Variants in SF3A1 observed in about 807,000 individuals in gnomAD.
The protein encoded by SF3A1 is SAP 114.
Under a neutral mutation model 89.9 loss-of-function variants are expected in SF3A1, and 13 were observed. The observed-to-expected ratio is 0.14, with a 90% CI of 0.09 to 0.23. The LOEUF is 0.23. SF3A1 is among the 10% of genes least tolerant of loss of function. SF3A1 has a pLI of 1.00. For missense variants in SF3A1, 604 were observed against 1,022.1 expected, an observed-to-expected ratio of 0.59 and a Z score of 5.58; for synonymous variants, 405 against 374.4, an observed-to-expected ratio of 1.08 and a Z score of -0.94.
At position 30,337,096 on chromosome 22, in the gene SF3A1, T is replaced by G; in HGVS notation, c.2036A>C (p.Glu679Ala). 4 of 1,614,104 alleles carry G rather than the reference T, an allele frequency of 2.5e-6. No individual in the cohort carries two copies. Among genetic ancestry groups the G allele is most frequent in the Non-Finnish European group, 3.4e-6 (4 of 1,179,992 alleles). Residue 679 changes from glutamate (E) to alanine (A), a missense_variant, in exon 13 of 16, where the codon GAG (glutamate) becomes GCG (alanine). Glu to Ala is a moderately radical substitution (Grantham distance 107). Around this residue, in one of 9 missense-constraint regions of SF3A1, gnomAD observed 74 missense variants for 141.3 expected, o/e 0.52. Coordinates refer to ENST00000215793, the MANE Select transcript of SF3A1 (RefSeq NM_005877.6). ...PVHPPPPMED[E>A]PTSKKLKTED... ...TGTCTTCAGTTTTTTGGAGGTGGGC[T>G]CATCTTCCATGGGAGGTGGGGGATG...
intron 7 of SF3A1, 95 bp downstream of exon 7, chr22:30,341,593 AAGGC>A: frequency 1.3e-6 from 1 of 782,574 alleles, no homozygotes; most frequent in Non-Finnish European, 1.9e-6. Context: ...GCCTCCTTTC[AAGGC>A]TCACAGGGGA....
intron 2 of SF3A1, among the ~76,000 whole-genome samples, chr22:30,351,569 T>C (rs1569175355): frequency 1.3e-5 from 2 of 152,180 alleles, no homozygotes; most frequent in Non-Finnish European, 2.9e-5. Flanking sequence ...CTAGAGTCCA[T>C]GGCTCACTAT....
At chr22:30,341,577 ACCCACGCCTCCTTTCAAGGCTCACAGGG>A in intron 7 of SF3A1, 87 bp downstream of exon 7, 5 of 560,288 alleles carry the variant, frequency 8.9e-6, no homozygotes, top group Admixed American at 3.1e-5. Flanking sequence ...CTTGTTCAGG[ACCCACGCCTCCTTTCAAGGCTCACAGGG>A]GAGCTGGATC....
intron 4 of SF3A1, among the ~76,000 whole-genome samples, chr22:30,343,849 C>T (rs1157960196): frequency 6.6e-6 from 1 of 152,202 alleles, no homozygotes; most frequent in Non-Finnish European, 1.5e-5. Context: ...TAAACACACA[C>T]ATTGTTAAAA....
At chr22:30,353,362 T>C (rs1166362389) in intron 1 of SF3A1, among the ~76,000 whole-genome samples, 1 of 152,180 alleles carries the variant, frequency 6.6e-6, no homozygotes, top group East Asian at 1.9e-4. Flanking sequence ...GCACTTCTCC[T>C]GTTGTCCTTC....
Position 30,337,697 on chromosome 22 carries a change from C to G in SF3A1, c.1944G>C (p.Val648=). ...IMAPRPPPMI[V]PTAFVPAPPV... is the part of the protein sequence containing the mutation. ...GATGCAAGAGATACTGACCTGTTGG[C>G]ACAATCATGGGGGGTGGGCGGGGGG... is the stretch of plus-strand genomic sequence containing the variant. Residue 648 remains valine, a synonymous_variant, in exon 12 of 16, where the codon GTG becomes GTC. Transcript: ENST00000215793. The G allele has an allele frequency of 7.5e-7, 1 of 1,339,840 alleles. No homozygotes were observed. Among genetic ancestry groups the G allele is most frequent in the South Asian group, 1.3e-5 (1 of 79,336 alleles). 83.0% of individuals were successfully genotyped at this position (1,339,840 alleles called of 1,614,324 possible).
chr22:30,334,504 C>T lies in SF3A1; in HGVS notation c.*90G>A. ...GAGCGAAACAAATATGCAGGCAAGG[C>T]AAAGCCTCAGGGGGGCTCCTGGGTC... On this transcript the variant is annotated 3_prime_UTR_variant, in exon 16 of 16. Transcript: ENST00000215793. 1.3e-6 allele frequency: 1 copy of T among 765,198 alleles called. No individual in the cohort carries two copies. The highest frequency in any genetic ancestry group is 2.9e-5 in the East Asian group (1 of 34,906). The allele number at this position is 765,198 out of a possible 1,614,324, so 47.4% of individuals were successfully genotyped here.
At chr22:30,344,257 T>C (rs550565643) in intron 4 of SF3A1, among the ~76,000 whole-genome samples, 9 of 152,338 alleles carry the variant, frequency 5.9e-5, no homozygotes, top group East Asian at 1.9e-4. Flanking sequence ...AAAGTGAACA[T>C]AGCAATAGTG....
chr22:30,339,056 CA>C, intron 10 of SF3A1, 22 bp from the exon 11 acceptor site: 1 of 1,613,906 alleles, frequency 6.2e-7, no homozygotes, highest in Non-Finnish European at 8.5e-7. Context: ...AGCAAAGCCA[CA>C]ATGCTTCTGG....
At chr22:30,346,288 T>C (rs779739747) in intron 3 of SF3A1, 24 bp downstream of exon 3, 1 of 1,493,466 alleles carries the variant, frequency 6.7e-7, no homozygotes, top group Non-Finnish European at 9.3e-7. Context: ...CCTGCGTAAG[T>C]GAAGGGGGCA....
Position 30,346,301 on chromosome 22 carries a change from G to T in SF3A1, c.393+11C>A. On this transcript the variant is annotated intron_variant, in intron 3 of 15. Coordinates refer to ENST00000215793, the MANE Select transcript of SF3A1 (RefSeq NM_005877.6). Reference sequence around the variant, plus strand: ...GCCCTGCGTAAGTGAAGGGGGCACTGGGCTCCAAACCTTCTGGGGCAGCTG... The same window carrying T: ...GCCCTGCGTAAGTGAAGGGGGCACTTGGCTCCAAACCTTCTGGGGCAGCTG... 6.4e-7 allele frequency: 1 copy of T among 1,572,740 alleles called. No individual in the cohort carries two copies. Among genetic ancestry groups the T allele is most frequent in the South Asian group, 1.1e-5 (1 of 90,190 alleles).
At chr22:30,343,818 C>T (rs1931337996) in intron 4 of SF3A1, among the ~76,000 whole-genome samples, 2 of 152,230 alleles carry the variant, frequency 1.3e-5, no homozygotes, top group Admixed American at 1.3e-4. Context: ...ACCATACTAG[C>T]TTCTGGATTT....
chr22:30,354,256 A>G (rs1931691306), intron 1 of SF3A1, among the ~76,000 whole-genome samples: 1 of 152,100 alleles, frequency 6.6e-6, no homozygotes, highest in Non-Finnish European at 1.5e-5. Context: ...GCAGCTAAAC[A>G]TCCTGAGTTC....
chr22:30,342,093 T>TA lies in SF3A1; in HGVS notation c.877+106dup, dbSNP rs1469176876. The TA allele has an allele frequency of 4.3e-6, 6 of 1,383,074 alleles. No homozygotes were observed. In the Admixed American group the frequency reaches 1.0e-4, roughly 24 times the overall value. The allele number at this position is 1,383,074 out of a possible 1,614,324, so 85.7% of individuals were successfully genotyped here. A position where few individuals can be genotyped will look rare whatever the true frequency, so the allele number is the denominator to read the frequency against. On this transcript the variant is annotated intron_variant, in intron 6 of 15. Transcript: ENST00000215793. ...GGGAGCAGGGAGGAGACAGCACTGATAAAGCCCTCTGAGAGATTCTACTGC... is the reference window on the plus strand; with the variant it reads ...GGGAGCAGGGAGGAGACAGCACTGATAAAAGCCCTCTGAGAGATTCTACTGC...
chr22:30,335,903 G>C (rs1298656295), intron 13 of SF3A1, 150 bp from the exon 14 acceptor site: 2 of 658,886 alleles, frequency 3.0e-6, no homozygotes, highest in Non-Finnish European at 2.7e-6. Context: ...CCCCTTGTGA[G>C]GTTGTACAAG....
At chr22:30,343,682 G>T (rs528424607) in intron 4 of SF3A1, among the ~76,000 whole-genome samples, 11 of 152,344 alleles carry the variant, frequency 7.2e-5, no homozygotes, top group African/African-American at 2.6e-4. Flanking sequence ...AATAAAAAGT[G>T]ATCTGGGACC....
chr22:30,341,283 T>G (rs1277635327), intron 7 of SF3A1, among the ~76,000 whole-genome samples: 1 of 152,032 alleles, frequency 6.6e-6, no homozygotes, highest in Non-Finnish European at 1.5e-5. Flanking sequence ...CATGCCTGCT[T>G]AGAGGGCCTG....
chr22:30,347,412 A>G (rs4390846), intron 2 of SF3A1, among the ~76,000 whole-genome samples: 30,599 of 152,144 alleles, frequency 0.2, 3,340 homozygotes, highest in Middle Eastern at 0.35. Flanking sequence ...TCCTCAGCAA[A>G]AACCCAGACT....
At chr22:30,338,750 G>C (rs201247069) in intron 11 of SF3A1, 39 bp downstream of exon 11, 64 of 1,612,346 alleles carry the variant, frequency 4.0e-5, no homozygotes, top group Middle Eastern at 3.8e-4. Context: ...CAAGAATGAA[G>C]CTCTAAAAAA....
Sources: gnomAD v4.1 joint callset for allele counts (sites outside exome capture counted in the v4.1 genomes callset) on GRCh38, gnomAD v4.1.1 for gene constraint, gnomAD v4.1.1 regional missense constraint, MANE v1.5 for transcripts, NCBI Gene and HGNC (gene_info 2026-07-23, HGNC 2026-07-21) for gene names.